The following MMS19 variants were observed in gnomAD, a reference collection of about 807,000 sequenced individuals.
MMS19 encodes the protein MMS19 nucleotide excision repair protein homolog.
MMS19 carries 77 observed loss-of-function variants against 129.8 expected under a neutral mutation model. The ratio of observed to expected loss-of-function variants is 0.59; its 90% confidence interval spans 0.49 to 0.72. MMS19 has a LOEUF of 0.72. Among genes scored for constraint, MMS19 ranks in the 30% least tolerant of loss-of-function variants. The pLI is 0.00. For synonymous variants in MMS19, 491 were observed against 502.8 expected, an observed-to-expected ratio of 0.98 and a Z score of 0.31; for missense variants, 1,168 against 1,266.3, an observed-to-expected ratio of 0.92 and a Z score of 1.18.
At chr10:97,491,898 T>C (rs1297194704) in intron 1 of MMS19, among the ~76,000 whole-genome samples, 2 of 151,996 alleles carry the variant, frequency 1.3e-5, no homozygotes, top group Admixed American at 6.6e-5. Flanking sequence ...CCTAGTACTC[T>C]GGGAGGCCGA....
Position 97,461,323 on chromosome 10 carries a change from C to G in MMS19, c.2311+173G>C, listed in dbSNP as rs2031827270. 1.5e-5 allele frequency: 11 copies of G among 737,310 alleles called. No individual in the cohort carries two copies. The South Asian group carries it at 2.1e-4, about 14-fold the overall frequency. 45.7% of individuals were successfully genotyped at this position (737,310 alleles called of 1,614,324 possible). A position where few individuals can be genotyped will look rare whatever the true frequency, so the allele number is the denominator to read the frequency against. On this transcript the variant is annotated intron_variant, in intron 23 of 30. Transcript: ENST00000438925. ...CTTCTTAGGTACTATAAAGCTCTGC[C>G]CAACTGTGGTCTTGACGCTTTTCCC... is the stretch of plus-strand genomic sequence containing the variant.
At chr10:97,469,992 C>T (rs981879100) in intron 10 of MMS19, 137 bp downstream of exon 10, 10 of 691,028 alleles carry the variant, frequency 1.4e-5, no homozygotes, top group South Asian at 1.3e-4. Context: ...GGCTTCAGGT[C>T]GACACAAAGG....
intron 1 of MMS19, among the ~76,000 whole-genome samples, chr10:97,491,095 TGGC>T (rs2038791136): frequency 6.6e-6 from 1 of 152,222 alleles, no homozygotes; most frequent in Admixed American, 6.5e-5. Flanking sequence ...TGGAACAGCC[TGGC>T]TATAGTACAG....
intron 29 of MMS19, 21 bp downstream of exon 29, chr10:97,459,201 GA>G: frequency 6.2e-7 from 1 of 1,604,904 alleles, no homozygotes; most frequent in Non-Finnish European, 8.5e-7. Context: ...CCAGGCCAGG[GA>G]AGGACACCTG....
At chr10:97,486,183 T>C (rs770470213) in intron 1 of MMS19, among the ~76,000 whole-genome samples, 1 of 152,020 alleles carries the variant, frequency 6.6e-6, no homozygotes, top group African/African-American at 2.4e-5. Context: ...TGGTGTTTTT[T>C]GTTTGTTTGT....
intron 8 of MMS19, among the ~76,000 whole-genome samples, chr10:97,473,282 C>T (rs1465275337): frequency 2.6e-5 from 4 of 152,042 alleles, no homozygotes; most frequent in Non-Finnish European, 1.5e-5. Flanking sequence ...GTGATCCACC[C>T]GCCTCGGCCT....
chr10:97,486,148 TAAGAAAGA>T (rs945740344), intron 1 of MMS19, among the ~76,000 whole-genome samples: 2 of 152,224 alleles, frequency 1.3e-5, no homozygotes, highest in African/African-American at 4.8e-5. Context: ...TATTCAGCTA[TAAGAAAGA>T]AAGAAATCTT....
Position 97,469,054 on chromosome 10 carries a change from G to T in MMS19, c.975C>A (p.Leu325=). 2 of 1,583,660 alleles carry T rather than the reference G, an allele frequency of 1.3e-6. No homozygotes were observed. The highest frequency in any genetic ancestry group is 1.2e-5 in the South Asian group (1 of 86,886). ...GAGACAAACACGCAGTCAGGGAGTGGAGGGCCGCCAGGCCCTCTGCCTCCA... is the reference window on the plus strand; with the variant it reads ...GAGACAAACACGCAGTCAGGGAGTGTAGGGCCGCCAGGCCCTCTGCCTCCA... ...ERVEAEGLAA[L]HSLTACLSRS... is the part of the protein sequence containing the mutation. Residue 325 remains leucine (L), a synonymous_variant, in exon 12 of 31, where the codon CTC becomes CTA. Coordinates refer to ENST00000438925, the MANE Select transcript of MMS19 (RefSeq NM_022362.5).
chr10:97,488,306 T>C (rs2038265017), intron 1 of MMS19, among the ~76,000 whole-genome samples: 1 of 152,158 alleles, frequency 6.6e-6, no homozygotes, highest in South Asian at 2.1e-4. Flanking sequence ...GGTCATGATA[T>C]TCAGAAACAG....
rs1292179133 is a variant in MMS19 at position 97,466,926 on chromosome 10, T to G, written c.1298-25A>C. 3 of 1,613,054 alleles carry G rather than the reference T, an allele frequency of 1.9e-6. No individual in the cohort carries two copies. The South Asian group carries it at 3.3e-5, about 18-fold the overall frequency. Reference sequence around the variant, plus strand: ...TCTAGGGAAGAGACAGAGGCCAGGTTAGAAGGAAGCCACTGCATTCCATAT... The same window carrying G: ...TCTAGGGAAGAGACAGAGGCCAGGTGAGAAGGAAGCCACTGCATTCCATAT... On this transcript the variant is annotated intron_variant, in intron 14 of 30. Transcript: ENST00000438925.
At chr10:97,488,469 A>G (rs1589781824) in intron 1 of MMS19, among the ~76,000 whole-genome samples, 1 of 152,218 alleles carries the variant, frequency 6.6e-6, no homozygotes, top group East Asian at 1.9e-4. Context: ...TGGTATATAC[A>G]TGAGAGACTG....
chr10:97,463,024 G>T (rs2032449645), intron 19 of MMS19: 1 of 259,770 alleles, frequency 3.8e-6, no homozygotes, highest in Non-Finnish European at 7.4e-6. Context: ...AGTAATGTTG[G>T]TCTCTGAAAA....
At chr10:97,486,894 T>TATATATATATATATAA (rs1554852566) in intron 1 of MMS19, among the ~76,000 whole-genome samples, 1 of 135,586 alleles carries the variant, frequency 7.4e-6, no homozygotes. Flanking sequence ...TATATATATA[T>TATATATATATATATAA]AAAATTAAGA....
At chr10:97,465,673 A>T (rs976040226) in intron 18 of MMS19, 132 bp downstream of exon 18, 15 of 868,664 alleles carry the variant, frequency 1.7e-5, no homozygotes, top group Non-Finnish European at 2.6e-5. Flanking sequence ...GGACGCAGGC[A>T]TCAGTATTTT....
rs2033588039 is a variant in MMS19 at position 97,466,800 on chromosome 10, G to C, written c.1399C>G (p.Leu467Val). 1 of 1,613,894 alleles carries C rather than the reference G, an allele frequency of 6.2e-7. No homozygotes were observed. The highest frequency in any genetic ancestry group is 8.5e-7 in the Non-Finnish European group (1 of 1,179,886). ...CCTGGCTGGGCACCCAAGACTGTCA[G>C]TGTACGGATGCCAACAAGCTGAAGC... is the stretch of plus-strand genomic sequence containing the variant. ...TQLQLVGIRT[L>V]TVLGAQPDLL... The change falls in exon 15 of 31, where the codon CTG becomes GTG. Residue 467 changes from leucine (L) to valine (V), a missense_variant. Coordinates refer to ENST00000438925, the MANE Select transcript of MMS19 (RefSeq NM_022362.5).
rs1463155786 is a variant in MMS19, at chr10:97,459,521, A to G, written c.2745T>C (p.Leu915=). 5 of 1,612,358 alleles carry G rather than the reference A, an allele frequency of 3.1e-6. No individual in the cohort carries two copies. The highest frequency in any genetic ancestry group is 1.7e-5 in the Admixed American group (1 of 59,918). ...AGGACAGGGCCTCCAGCAGCAAGGA[A>G]AGAAGCTAAGGGGCAATGGGCAAGG... ...PVLLPELPTL[L]SLLLEALSCP... is the part of the protein sequence containing the mutation. The change falls in exon 28 of 31, where the codon CTT becomes CTC. Residue 915 remains leucine, a synonymous_variant. Coordinates refer to ENST00000438925, the MANE Select transcript of MMS19 (RefSeq NM_022362.5).
intron 20 of MMS19, 48 bp downstream of exon 20, chr10:97,462,535 A>C (rs1201865879): frequency 1.4e-6 from 2 of 1,394,856 alleles, no homozygotes; most frequent in Non-Finnish European, 2.0e-6. Context: ...CTTCCTAAGA[A>C]TGCTATCCTT....
At chr10:97,477,071 A>T in intron 6 of MMS19, 108 bp from the exon 7 acceptor site, 4 of 1,552,134 alleles carry the variant, frequency 2.6e-6, no homozygotes, top group Non-Finnish European at 3.5e-6. Flanking sequence ...CTTTCTCTTC[A>T]GGGCTGACCC....
chr10:97,470,266 A>G, intron 9 of MMS19, 63 bp from the exon 10 acceptor site: 1 of 1,158,356 alleles, frequency 8.6e-7, no homozygotes, highest in Non-Finnish European at 1.3e-6. Flanking sequence ...ATCAAGGTCA[A>G]CCCTGTCCTT....
Sources: allele counts gnomAD v4.1 joint callset (sites outside exome capture counted in the v4.1 genomes callset), GRCh38; gene constraint gnomAD v4.1.1; transcripts MANE v1.5; gene names NCBI Gene and HGNC (gene_info 2026-07-23, HGNC 2026-07-21).